The following BMP6 variants were observed in gnomAD, a reference collection of about 807,000 sequenced individuals.
BMP6 encodes the protein VG-1-R.
A neutral mutation model predicts 54.1 loss-of-function variants in BMP6; 17 were observed. The observed-to-expected ratio is 0.31, with a 90% CI of 0.22 to 0.47. The LOEUF is 0.47. BMP6 is among the 20% of genes least tolerant of loss of function. The probability of loss-of-function intolerance (pLI) is 1.00; values close to 1 mark genes in which losing one functional copy is unlikely to be tolerated. For synonymous variants in BMP6, 328 were observed against 291.2 expected (o/e 1.13, Z -1.28); for missense variants, 720 against 690.4 (o/e 1.04, Z -0.48).
intron 1 of BMP6, among the ~76,000 whole-genome samples, chr6:7,791,645 A>G (rs1415029215): frequency 1.3e-5 from 2 of 152,150 alleles, no homozygotes. Flanking sequence ...TGGAAGTCCC[A>G]GAAGCCCCTC....
intron 2 of BMP6, among the ~76,000 whole-genome samples, chr6:7,847,716 A>G (rs889579333): frequency 6.6e-6 from 1 of 152,178 alleles, no homozygotes; most frequent in African/African-American, 2.4e-5. Context: ...AAAGACAGTT[A>G]GGAAGCCTGA....
At chr6:7,731,987 G>A (rs1761867735) in intron 1 of BMP6, among the ~76,000 whole-genome samples, 1 of 152,104 alleles carries the variant, frequency 6.6e-6, no homozygotes, top group South Asian at 2.1e-4. Flanking sequence ...ATTAGTACAA[G>A]CAGCAAGAAA....
chr6:7,840,812 A>G (rs1365475174), intron 1 of BMP6, among the ~76,000 whole-genome samples: 2 of 152,138 alleles, frequency 1.3e-5, no homozygotes, highest in Non-Finnish European at 2.9e-5. Context: ...TAAAAATTCT[A>G]GGAATTATTG....
intron 1 of BMP6, among the ~76,000 whole-genome samples, chr6:7,790,560 A>T (rs2113182423): frequency 6.8e-6 from 1 of 147,842 alleles, no homozygotes; most frequent in Non-Finnish European, 1.5e-5. Flanking sequence ...ACACACATAT[A>T]CAGCTGTTCT....
chr6:7,748,178 G>A (rs1423731121), intron 1 of BMP6, among the ~76,000 whole-genome samples: 1 of 152,100 alleles, frequency 6.6e-6, no homozygotes, highest in Non-Finnish European at 1.5e-5. Context: ...GGTTTTCGGT[G>A]AGTTTTCCTC....
intron 1 of BMP6, among the ~76,000 whole-genome samples, chr6:7,836,810 C>A (rs1758883167): frequency 6.6e-6 from 1 of 152,128 alleles, no homozygotes; most frequent in Admixed American, 6.5e-5. Flanking sequence ...GAAAGTTTAG[C>A]TCAGTCTTTG....
intron 1 of BMP6, among the ~76,000 whole-genome samples, chr6:7,835,217 G>A (rs1183100547): frequency 6.6e-6 from 1 of 152,180 alleles, no homozygotes; most frequent in African/African-American, 2.4e-5. Context: ...CCGCCTCCCG[G>A]GTTCACGCCA....
intron 2 of BMP6, among the ~76,000 whole-genome samples, chr6:7,860,276 A>G (rs775574132): frequency 3.9e-5 from 6 of 152,256 alleles, no homozygotes; most frequent in Non-Finnish European, 7.3e-5. Flanking sequence ...ATGTATGCTT[A>G]TCTTAAACTT....
At position 7,880,366 on chromosome 6, in the gene BMP6, A is replaced by G; in HGVS notation, c.*23A>G. The G allele has an allele frequency of 6.2e-7, 1 of 1,613,456 alleles. No individual in the cohort carries two copies. ...TAACTCGAAACCAGATGCTGGGGAC[A>G]CACATTCTGCCTTGGATTCCTAGAT... On this transcript the variant is annotated 3_prime_UTR_variant, in exon 7 of 7. Coordinates refer to ENST00000283147, the MANE Select transcript of BMP6 (RefSeq NM_001718.6).
intron 1 of BMP6, among the ~76,000 whole-genome samples, chr6:7,779,773 T>G (rs1225069779): frequency 6.6e-6 from 1 of 152,192 alleles, no homozygotes; most frequent in Admixed American, 6.5e-5. Context: ...TATTCTTATT[T>G]TAGAGACAAG....
intron 1 of BMP6, among the ~76,000 whole-genome samples, chr6:7,751,224 A>G (rs1217719627): frequency 6.6e-6 from 1 of 152,202 alleles, no homozygotes; most frequent in African/African-American, 2.4e-5. Context: ...AAATTGGTCA[A>G]AGAAAGAACT....
At position 7,727,397 on chromosome 6, in the gene BMP6, G is replaced by A. The variant is rs1188835240; in HGVS notation, c.442G>A (p.Asp148Asn). The change falls in exon 1 of 7, where the codon GAC becomes AAC. Residue 148 changes from aspartate to asparagine, a missense_variant. Asp to Asn is a conservative substitution (Grantham distance 23). Coordinates refer to ENST00000283147, the MANE Select transcript of BMP6 (RefSeq NM_001718.6). The stretch of plus-strand genomic sequence containing the variant: ...GTACAACGCCCTGTCCGCCGACAAC[G>A]ACGAGGACGGGGCGTCGGAGGGGGA... ...DLYNALSADN[D>N]EDGASEGERQ... is the part of the protein sequence containing the mutation. 1.2e-6 allele frequency: 2 copies of A among 1,607,512 alleles called. No homozygotes were observed. Among genetic ancestry groups the A allele is most frequent in the East Asian group, 2.2e-5 (1 of 44,594 alleles).
At chr6:7,860,981 T>C (rs1759323626) in intron 2 of BMP6, among the ~76,000 whole-genome samples, 1 of 151,922 alleles carries the variant, frequency 6.6e-6, no homozygotes, top group South Asian at 2.1e-4. Context: ...TAAAGTAAGC[T>C]AGTCACTAAT....
At chr6:7,832,257 G>A (rs1031422903) in intron 1 of BMP6, among the ~76,000 whole-genome samples, 17 of 152,088 alleles carry the variant, frequency 1.1e-4, no homozygotes, top group African/African-American at 3.1e-4. Context: ...TTGTTTCCAC[G>A]CCCCTGCAAA....
At chr6:7,756,799 T>C (rs1757521146) in intron 1 of BMP6, among the ~76,000 whole-genome samples, 1 of 152,258 alleles carries the variant, frequency 6.6e-6, no homozygotes, top group South Asian at 2.1e-4. Flanking sequence ...CACATTCTTT[T>C]AAGAACTCTA....
intron 1 of BMP6, among the ~76,000 whole-genome samples, chr6:7,752,559 G>GTTTTTTTTT (rs5874110): frequency 1.6e-5 from 2 of 122,452 alleles, no homozygotes; most frequent in Admixed American, 8.6e-5. Context: ...TTCAACATAG[G>GTTTTTTTTT]TTTTTTTTTT....
rs1260406263 is a variant in BMP6, at chr6:7,727,219, G to C, written c.264G>C (p.Gly88=). ...EMQKEILSVL[G]LPHRPRPLHG... ...AGAAGGAGATCTTGTCGGTGCTGGG[G>C]CTCCCGCACCGGCCCCGGCCCCTGC... Residue 88 remains glycine, a synonymous_variant, in exon 1 of 7, where the codon GGG becomes GGC. Transcript: ENST00000283147. 6.2e-7 allele frequency: 1 copy of C among 1,605,590 alleles called. No homozygotes were observed. Among genetic ancestry groups the C allele is most frequent in the East Asian group, 2.2e-5 (1 of 44,534 alleles).
chr6:7,877,806 T>C (rs1759645198), intron 4 of BMP6, among the ~76,000 whole-genome samples: 1 of 152,222 alleles, frequency 6.6e-6, no homozygotes, highest in African/African-American at 2.4e-5. Flanking sequence ...TTACACCCAC[T>C]GACATCCCAC....
intron 4 of BMP6, among the ~76,000 whole-genome samples, chr6:7,867,747 G>T (rs931370152): frequency 6.6e-6 from 1 of 152,176 alleles, no homozygotes; most frequent in Non-Finnish European, 1.5e-5. Flanking sequence ...AGACATGGAG[G>T]ACAGTCATGG....
Sources: allele counts gnomAD v4.1 joint callset (sites outside exome capture counted in the v4.1 genomes callset), GRCh38; gene constraint gnomAD v4.1.1; transcripts MANE v1.5; gene names NCBI Gene and HGNC (gene_info 2026-07-23, HGNC 2026-07-21).